Variants in AKAP8 observed in about 807,000 individuals in gnomAD.
AKAP8 encodes A-kinase anchor protein 8.
Under a neutral mutation model 67.5 loss-of-function variants are expected in AKAP8, and 24 were observed. That is an observed-to-expected ratio of 0.36 (90% CI 0.26 to 0.50). AKAP8 has a LOEUF of 0.50. Among genes scored for constraint, AKAP8 ranks in the 20% least tolerant of loss-of-function variants. The pLI, the probability that AKAP8 is intolerant of heterozygous loss-of-function variation, is 0.97. For missense variants in AKAP8, 971 were observed against 955.9 expected (o/e 1.02, Z -0.21); for synonymous variants, 400 against 371.1 (o/e 1.08, Z -0.90).
intron 11 of AKAP8, 98 bp from the exon 12 acceptor site, chr19:15,361,076 G>A (rs901556035): frequency 1.6e-5 from 23 of 1,459,944 alleles, no homozygotes; most frequent in East Asian, 7.1e-5. Context: ...CAACTCTAAG[G>A]AATCAGAAGG....
chr19:15,363,919 C>T (rs1003171998), intron 9 of AKAP8, among the ~76,000 whole-genome samples: 13 of 151,254 alleles, frequency 8.6e-5, no homozygotes, highest in African/African-American at 4.9e-5. Flanking sequence ...GGATTAAGGG[C>T]GGTGCAAGAT....
At chr19:15,373,710 G>C in intron 4 of AKAP8, 76 bp downstream of exon 4, 2 of 1,491,802 alleles carry the variant, frequency 1.3e-6, no homozygotes, top group Non-Finnish European at 1.8e-6. Context: ...CCTCCCTCAA[G>C]AGTGGGTGCC....
In AKAP8 at chr19:15,369,555, A is replaced by G. The variant is rs1967120926; in HGVS notation, c.1072+591T>C. Among the ~76,000 whole-genome samples, 1 of 152,242 alleles carries G rather than the reference A, an allele frequency of 6.6e-6. No homozygotes were observed. Among genetic ancestry groups the G allele is most frequent in the Non-Finnish European group, 1.5e-5 (1 of 68,048 alleles). ...TTTAAGCCTGCTCTGCTGTTGCTGCAGACCCTCTGGTCTCCTGCATTGGAC... is the reference window on the plus strand; with the variant it reads ...TTTAAGCCTGCTCTGCTGTTGCTGCGGACCCTCTGGTCTCCTGCATTGGAC... On this transcript the variant is annotated intron_variant, in intron 8 of 13. Transcript: ENST00000269701. The surrounding 1 kb of genome is among the most constrained non-coding windows in gnomAD (Gnocchi z 4.6).
chr19:15,355,171 C>T lies in AKAP8; in HGVS notation c.1823G>A (p.Gly608Asp). ...ACCGGCCTCCGCTGTGTCCGTGGGG[C>T]CTTCGTCCTCAGCCGGCTCCCCGCT... ...ESSGEPAEDE[G>D]PTDTAEAGSD... Residue 608 changes from glycine to aspartate, a missense_variant, in exon 14 of 14, where the codon GGC becomes GAC. Physicochemically the swap from Gly to Asp is moderately conservative, Grantham distance 94. Around this residue, in one of 3 missense-constraint regions of AKAP8, gnomAD observed 204 missense variants for 193.0 expected, o/e 1.06. Coordinates refer to ENST00000269701, the MANE Select transcript of AKAP8 (RefSeq NM_005858.4). 6.2e-7 allele frequency: 1 copy of T among 1,612,518 alleles called. No individual in the cohort carries two copies. The highest frequency in any genetic ancestry group is 8.5e-7 in the Non-Finnish European group (1 of 1,180,032).
chr19:15,365,773 A>G (rs983926775), intron 9 of AKAP8, among the ~76,000 whole-genome samples: 18 of 152,270 alleles, frequency 1.2e-4, no homozygotes, highest in Non-Finnish European at 5.9e-5. Context: ...CTGTACTCCC[A>G]GCACTTTGGG....
intron 12 of AKAP8, among the ~76,000 whole-genome samples, chr19:15,359,522 C>G (rs889837020): frequency 1.3e-5 from 2 of 151,984 alleles, no homozygotes; most frequent in Admixed American, 1.3e-4. Flanking sequence ...GAGTTCGAGA[C>G]AAGCCTGGCC....
At chr19:15,359,109 G>A in intron 12 of AKAP8, 47 bp from the exon 13 acceptor site, 1 of 1,563,280 alleles carries the variant, frequency 6.4e-7, no homozygotes, top group Non-Finnish European at 8.8e-7. Context: ...CAAAGATTAA[G>A]GAAGAGAATA....
intron 12 of AKAP8, among the ~76,000 whole-genome samples, 189 bp from the exon 13 acceptor site, chr19:15,359,251 C>T (rs1386682041): frequency 1.3e-5 from 2 of 152,192 alleles, no homozygotes; most frequent in Admixed American, 1.3e-4. Context: ...AAAAGCTAGG[C>T]AATCTTAAGA....
At chr19:15,365,022 G>C (rs1171005130) in intron 9 of AKAP8, among the ~76,000 whole-genome samples, 1 of 152,198 alleles carries the variant, frequency 6.6e-6, no homozygotes, top group Non-Finnish European at 1.5e-5. Context: ...AGGCTTGCAG[G>C]TATCTCAGGA....
At chr19:15,376,409 G>A (rs1018895625) in intron 2 of AKAP8, among the ~76,000 whole-genome samples, 1 of 151,658 alleles carries the variant, frequency 6.6e-6, no homozygotes, top group Admixed American at 6.6e-5. Flanking sequence ...CAGCTACTCG[G>A]GAGGCTGCGG....
At position 15,355,136 on chromosome 19, in the gene AKAP8, G is replaced by A. The variant is rs1294151965; in HGVS notation, c.1858C>T (p.Gln620Ter). 1 of 1,613,342 alleles carries A rather than the reference G, an allele frequency of 6.2e-7. No individual in the cohort carries two copies. Among genetic ancestry groups the A allele is most frequent in the Non-Finnish European group, 8.5e-7 (1 of 1,180,050 alleles). Residue 620 changes from glutamine (Q) to a stop codon, truncating the protein, a stop_gained, in exon 14 of 14, where the codon CAA becomes TAA. Transcript: ENST00000269701. LOFTEE classifies it low-confidence loss of function (END_TRUNC). The part of the protein sequence containing the change: ...TDTAEAGSDP[Q>*]AEQLLEEQVP... ...TGCTCTTCCAGCAGCTGTTCGGCTT[G>A]AGGATCACTACCGGCCTCCGCTGTG...
intron 7 of AKAP8, among the ~76,000 whole-genome samples, chr19:15,371,418 T>C (rs1349321207): frequency 6.6e-6 from 1 of 152,168 alleles, no homozygotes; most frequent in African/African-American, 2.4e-5. Flanking sequence ...GTCCCTGCAC[T>C]TACTGGCCTA....
At chr19:15,355,998 A>G (rs544917565) in intron 13 of AKAP8, among the ~76,000 whole-genome samples, 3 of 152,064 alleles carry the variant, frequency 2.0e-5, no homozygotes, top group Admixed American at 1.3e-4. Context: ...GGCCTCCCAA[A>G]ATGCTGGGAT....
chr19:15,368,164 CAG>C, intron 9 of AKAP8, 69 bp downstream of exon 9: 1 of 1,583,274 alleles, frequency 6.3e-7, no homozygotes, highest in South Asian at 1.1e-5. Context: ...GGAGCGAGGA[CAG>C]GTGAGCTCGG....
chr19:15,361,523 T>A, intron 11 of AKAP8: 1 of 467,992 alleles, frequency 2.1e-6, no homozygotes, highest in East Asian at 4.2e-5. Context: ...GCTAATTTTT[T>A]GTATTTTTTT....
intron 9 of AKAP8, among the ~76,000 whole-genome samples, chr19:15,366,130 T>A (rs1440732680): frequency 8.1e-4 from 22 of 27,166 alleles, no homozygotes; most frequent in East Asian, 1.0e-3. Context: ...TGGAAGAACA[T>A]ACAAGATGAA....
At chr19:15,366,741 C>T (rs1194666356) in intron 9 of AKAP8, among the ~76,000 whole-genome samples, 5 of 152,036 alleles carry the variant, frequency 3.3e-5, no homozygotes, top group African/African-American at 7.3e-5. Context: ...TCCCGAGCAG[C>T]GGGGAATACA....
At position 15,373,792 on chromosome 19, in the gene AKAP8, C is replaced by G. The variant is rs537526016; in HGVS notation, c.365G>C (p.Arg122Pro). 2.5e-6 allele frequency: 4 copies of G among 1,607,930 alleles called. No individual in the cohort carries two copies. In the African/African-American group the frequency reaches 5.3e-5, roughly 21 times the overall value. ...SGGGGEGIQDRESSFRFQPFE... is the reference protein window; with the variant it reads ...SGGGGEGIQDPESSFRFQPFE... ...GGCTTGGGTCCATAATCACCTCTCCCGGTCCTGTATGCCCTCCCCACCGCC... is the reference window on the plus strand; with the variant it reads ...GGCTTGGGTCCATAATCACCTCTCCGGGTCCTGTATGCCCTCCCCACCGCC... Residue 122 changes from arginine to proline, a missense_variant, in exon 4 of 14, where the codon CGG (arginine) becomes CCG (proline). Arg to Pro is a moderately radical substitution (Grantham distance 103). Transcript: ENST00000269701.
chr19:15,373,375 C>A (rs766803000), intron 4 of AKAP8, 35 bp from the exon 5 acceptor site: 3 of 1,563,834 alleles, frequency 1.9e-6, no homozygotes, highest in Admixed American at 3.7e-5. Flanking sequence ...GGGGCGGTCA[C>A]CCCGATCACC....
Sources: gnomAD v4.1 joint callset for allele counts (sites outside exome capture counted in the v4.1 genomes callset) on GRCh38, gnomAD v4.1.1 for gene constraint, gnomAD v4.1.1 regional missense constraint, Gnocchi (gnomAD v3.1) non-coding constraint, MANE v1.5 for transcripts, NCBI Gene and HGNC (gene_info 2026-07-23, HGNC 2026-07-21) for gene names.